The following ASCC3 variants were observed in gnomAD, a reference collection of about 807,000 sequenced individuals.
ASCC3 encodes ASC-1 complex subunit P200.
ASCC3 carries 158 observed loss-of-function variants against 256.3 expected under a neutral mutation model. The ratio of observed to expected loss-of-function variants is 0.62; its 90% CI spans 0.54 to 0.70. The LOEUF is 0.70. Among genes scored for constraint, ASCC3 ranks in the 30% least tolerant of loss-of-function variants. The pLI, the probability that ASCC3 is intolerant of heterozygous loss-of-function variation, is 0.00. For synonymous variants in ASCC3, 948 were observed against 883.4 expected (o/e 1.07, Z -1.30); for missense variants, 2,259 against 2,626.0 (o/e 0.86, Z 3.05).
intron 14 of ASCC3, among the ~76,000 whole-genome samples, chr6:100,675,822 C>A (rs968649065): frequency 6.6e-6 from 1 of 152,114 alleles, no homozygotes; most frequent in Non-Finnish European, 1.5e-5. Flanking sequence ...GGTGGGAATA[C>A]TCAATCCCTA....
chr6:100,812,408 A>T (rs1374585554), intron 4 of ASCC3, among the ~76,000 whole-genome samples: 4 of 152,166 alleles, frequency 2.6e-5, no homozygotes, highest in Non-Finnish European at 5.9e-5. Flanking sequence ...TGTTCAAAGA[A>T]CTAAAGAGAA....
chr6:100,679,727 T>C lies in ASCC3; in HGVS notation c.2177A>G (p.Asn726Ser). Residue 726 changes from asparagine to serine, a missense_variant, in exon 14 of 42, where the codon AAT becomes AGT. Asn to Ser is a conservative substitution (Grantham distance 46, BLOSUM62 1). This residue lies in a region of ASCC3 where 1,839 missense variants were observed against 2,206.7 expected (regional missense o/e 0.83). Coordinates refer to ENST00000369162, the MANE Select transcript of ASCC3 (RefSeq NM_006828.4). ...AGACATAGCTGTTCTTACAGTGGCA[T>C]TTCGAGCATGTACAAACACCATCAC... Reference protein sequence around the residue: ...HQVMVFVHARNATVRTAMSLI... With the variant: ...HQVMVFVHARSATVRTAMSLI... 3.1e-6 allele frequency: 5 copies of C among 1,613,676 alleles called. No individual in the cohort carries two copies. Among genetic ancestry groups the C allele is most frequent in the Non-Finnish European group, 4.2e-6 (5 of 1,179,720 alleles).
At chr6:100,831,124 A>G (rs111978961) in intron 4 of ASCC3, among the ~76,000 whole-genome samples, 293 of 152,194 alleles carry the variant, frequency 1.9e-3, no homozygotes, top group Non-Finnish European at 3.7e-3. Flanking sequence ...CAAAAATGTG[A>G]TCTTATAAAC....
intron 20 of ASCC3, among the ~76,000 whole-genome samples, chr6:100,648,274 C>A (rs1042406072): frequency 1.3e-5 from 2 of 152,032 alleles, no homozygotes; most frequent in Non-Finnish European, 2.9e-5. Flanking sequence ...ATTTATTTTG[C>A]CTCCACTCCT....
chr6:100,686,446 C>T (rs539743844), intron 13 of ASCC3, among the ~76,000 whole-genome samples: 5 of 152,264 alleles, frequency 3.3e-5, no homozygotes, highest in East Asian at 1.9e-4. Context: ...TACAAATTCA[C>T]AATTTTAATC....
intron 41 of ASCC3, 95 bp from the exon 42 acceptor site, chr6:100,509,628 C>A: frequency 8.2e-7 from 1 of 1,221,224 alleles, no homozygotes; most frequent in South Asian, 1.3e-5. Context: ...AGGCTGGGTG[C>A]GGTGGCTCAC....
At chr6:100,852,228 A>G (rs1357739712) in intron 3 of ASCC3, among the ~76,000 whole-genome samples, 1 of 152,234 alleles carries the variant, frequency 6.6e-6, no homozygotes, top group Non-Finnish European at 1.5e-5. Context: ...TTGTCTAATT[A>G]GCCAAAGCTA....
intron 3 of ASCC3, among the ~76,000 whole-genome samples, chr6:100,853,085 C>T (rs997460922): frequency 1.1e-4 from 16 of 151,978 alleles, no homozygotes; most frequent in South Asian, 6.2e-4. Flanking sequence ...CTGACTGGTG[C>T]GCTTTTATTA....
intron 11 of ASCC3, 106 bp from the exon 12 acceptor site, chr6:100,718,357 G>A: frequency 2.3e-6 from 2 of 881,922 alleles, no homozygotes; most frequent in African/African-American, 3.4e-5. Flanking sequence ...AGACAGAGAT[G>A]AGTGTAGAGG....
At chr6:100,624,486 G>A (rs908149029) in intron 30 of ASCC3, among the ~76,000 whole-genome samples, 4 of 151,834 alleles carry the variant, frequency 2.6e-5, no homozygotes, top group African/African-American at 9.7e-5. Context: ...TGAGGATGTA[G>A]TAAAACTGTT....
At chr6:100,609,703 G>A (rs1773295811) in intron 30 of ASCC3, among the ~76,000 whole-genome samples, 1 of 152,106 alleles carries the variant, frequency 6.6e-6, no homozygotes, top group African/African-American at 2.4e-5. Context: ...TTGAGGTCAG[G>A]AAATCGAGAC....
chr6:100,619,376 T>A (rs373387594), intron 30 of ASCC3, among the ~76,000 whole-genome samples: 4 of 152,196 alleles, frequency 2.6e-5, no homozygotes, highest in African/African-American at 9.7e-5. Flanking sequence ...CTTATCCTGA[T>A]GAAGAAATTG....
In ASCC3 at chr6:100,763,080, A is replaced by C. The variant is rs1014293921; in HGVS notation, c.1737+3485T>G. 3.9e-5 allele frequency among the ~76,000 whole-genome samples: 6 copies of C among 152,226 alleles called. No individual in the cohort carries two copies. The East Asian group carries it at 1.2e-3, about 29-fold the overall frequency. On this transcript the variant is annotated intron_variant, in intron 10 of 41. Transcript: ENST00000369162. ...GAAAGTGAGGAAAGCAAGAAATTCA[A>C]ACTCCACAAAAAAAGTTGAATATGT...
At chr6:100,828,536 C>G (rs1403564424) in intron 4 of ASCC3, among the ~76,000 whole-genome samples, 1 of 151,632 alleles carries the variant, frequency 6.6e-6, no homozygotes, top group Non-Finnish European at 1.5e-5. Flanking sequence ...GGTGGCGCAT[C>G]TGGAGTTTGC....
At chr6:100,796,601 A>C (rs557931160) in intron 8 of ASCC3, among the ~76,000 whole-genome samples, 1 of 152,276 alleles carries the variant, frequency 6.6e-6, no homozygotes, top group African/African-American at 2.4e-5. Flanking sequence ...GTCTCTCTTC[A>C]TACACACATA....
intron 3 of ASCC3, among the ~76,000 whole-genome samples, chr6:100,861,559 A>C (rs569395297): frequency 1.3e-5 from 2 of 152,260 alleles, no homozygotes; most frequent in East Asian, 3.9e-4. Flanking sequence ...CAGCATTTTC[A>C]TCCAGAAGGG....
At chr6:100,688,002 G>GAA (rs200232752) in intron 13 of ASCC3, among the ~76,000 whole-genome samples, 3,958 of 140,916 alleles carry the variant, frequency 0.028, 140 homozygotes, top group East Asian at 0.15. Flanking sequence ...TCAAGGCTCA[G>GAA]AAAAAAAAAA....
At chr6:100,858,200 C>A (rs1163510978) in intron 3 of ASCC3, 9 of 439,916 alleles carry the variant, frequency 2.0e-5, no homozygotes, top group African/African-American at 4.3e-5. Context: ...TTTTAATGTG[C>A]TTCTAGTAAG....
chr6:100,749,969 C>T (rs1281253267), intron 10 of ASCC3, among the ~76,000 whole-genome samples: 3 of 151,738 alleles, frequency 2.0e-5, no homozygotes, highest in East Asian at 1.9e-4. Context: ...GAAAATACAG[C>T]TCTCTACAAT....
Sources: gnomAD v4.1 joint callset for allele counts (sites outside exome capture counted in the v4.1 genomes callset) on GRCh38, gnomAD v4.1.1 for gene constraint, gnomAD v4.1.1 regional missense constraint, MANE v1.5 for transcripts, NCBI Gene and HGNC (gene_info 2026-07-23, HGNC 2026-07-21) for gene names.